The following PRMT8 variants were observed in gnomAD, a reference collection of about 807,000 sequenced individuals.
The protein encoded by PRMT8 is protein arginine N-methyltransferase 8.
A neutral mutation model predicts 47.1 loss-of-function variants in PRMT8; 7 were observed. The ratio of observed to expected loss-of-function variants is 0.15; its 90% CI spans 0.08 to 0.28. The LOEUF (loss-of-function observed/expected upper bound fraction) is 0.28, where lower values mean the gene tolerates loss of function less well. PRMT8 is among the 10% of genes least tolerant of loss of function. PRMT8 has a pLI of 1.00. For missense variants in PRMT8, 237 were observed against 505.4 expected (o/e 0.47, Z 5.09); for synonymous variants, 188 against 186.5 (o/e 1.01, Z -0.07).
intron 1 of PRMT8, among the ~76,000 whole-genome samples, chr12:3,424,375 C>G (rs1019517941): frequency 6.6e-6 from 1 of 152,072 alleles, no homozygotes; most frequent in Non-Finnish European, 1.5e-5. Flanking sequence ...ATCCAAGTGG[C>G]GCAAATGACG....
Position 3,567,650 on chromosome 12 carries a change from C to T in PRMT8, c.482-1056C>T, listed in dbSNP as rs185809683. On this transcript the variant is annotated intron_variant, in intron 4 of 9. Transcript: ENST00000382622. ...TGTAAACAAAAATAACAGTTGACCC[C>T]GACTACCACAGGGGTTAGGGGTGCC... Among the ~76,000 whole-genome samples the T allele has an allele frequency of 3.3e-3, 496 of 152,280 alleles. 3 individuals are homozygous for T. The highest frequency in any genetic ancestry group is 0.014 in the Middle Eastern group (4 of 294).
rs1234503603 is a variant in PRMT8, at chr12:3,583,737, C to T, written c.979+529C>T. 6.6e-6 allele frequency among the ~76,000 whole-genome samples: 1 copy of T among 152,234 alleles called. No individual in the cohort carries two copies. On this transcript the variant is annotated intron_variant, in intron 8 of 9. Coordinates refer to ENST00000382622, the MANE Select transcript of PRMT8 (RefSeq NM_019854.5). The surrounding 1 kb of genome is among the most constrained non-coding windows in gnomAD (Gnocchi z 4.7). ...TGCTACTCCCACTCCCAAATCCCAG[C>T]CCCGCTTACGAGGTGCCTCGCTGCC...
At chr12:3,491,115 G>T (rs1865387356), upstream of PRMT8, 7 of 979,868 alleles carry the variant, frequency 7.1e-6, no homozygotes, top group South Asian at 2.4e-4. Flanking sequence ...CTCGGTCTGC[G>T]CCCAGCCGCC....
At chr12:3,407,687 A>T (rs182765503) in intron 1 of PRMT8, among the ~76,000 whole-genome samples, 82 of 152,258 alleles carry the variant, frequency 5.4e-4, no homozygotes, top group African/African-American at 1.9e-3. Flanking sequence ...TTTTTCAGCA[A>T]TTACTCCATT....
chr12:3,400,339 G>T (rs777667375), intron 1 of PRMT8, among the ~76,000 whole-genome samples: 11 of 152,124 alleles, frequency 7.2e-5, no homozygotes, highest in Non-Finnish European at 1.3e-4. Context: ...TATCACCATT[G>T]ACCCCACAGA....
intron 1 of PRMT8, among the ~76,000 whole-genome samples, chr12:3,439,158 G>C (rs868151213): frequency 6.6e-6 from 1 of 152,246 alleles, no homozygotes; most frequent in Middle Eastern, 3.4e-3. Context: ...TATATTTTTT[G>C]TGACCTAGAT....
chr12:3,539,476 C>T (rs1297508738), intron 1 of PRMT8, among the ~76,000 whole-genome samples: 1 of 152,170 alleles, frequency 6.6e-6, no homozygotes, highest in Non-Finnish European at 1.5e-5. Flanking sequence ...ATTCCCAGCC[C>T]TAGAGGACTG....
In PRMT8 at chr12:3,577,000, T is replaced by C. The variant is rs769526481; in HGVS notation, c.828+14T>C. Reference sequence around the variant, plus strand: ...TGTTTGATAAAGGTCTGGACACTCATCCGGGGTGGACCTGGGTGTGCTGGG... The same window carrying C: ...TGTTTGATAAAGGTCTGGACACTCACCCGGGGTGGACCTGGGTGTGCTGGG... On this transcript the variant is annotated intron_variant, in intron 7 of 9. Transcript: ENST00000382622. This position sits in a 1 kb window ranked among gnomAD's most constrained non-coding sequence, Gnocchi z 4.0. 2 of 1,608,932 alleles carry C rather than the reference T, an allele frequency of 1.2e-6. No individual in the cohort carries two copies. The highest frequency in any genetic ancestry group is 1.1e-5 in the South Asian group (1 of 90,922).
chr12:3,511,306 C>A (rs188656128), intron 1 of PRMT8, among the ~76,000 whole-genome samples: 1 of 152,206 alleles, frequency 6.6e-6, no homozygotes, highest in East Asian at 1.9e-4. Context: ...GATGTTTTTC[C>A]CTTAGGCAGC....
intron 2 of PRMT8, among the ~76,000 whole-genome samples, chr12:3,542,592 T>A (rs1030171688): frequency 6.6e-6 from 1 of 152,168 alleles, no homozygotes; most frequent in African/African-American, 2.4e-5. Context: ...AAGAGAGCAG[T>A]TCCAGGGACC....
chr12:3,477,581 C>T (rs112839455), intron 1 of PRMT8, among the ~76,000 whole-genome samples: 1 of 152,212 alleles, frequency 6.6e-6, no homozygotes, highest in Admixed American at 6.5e-5. Flanking sequence ...AGATACCCTC[C>T]TCTGCCTCCT....
In PRMT8 at chr12:3,593,423, G is replaced by A. The variant is rs569441847; in HGVS notation, c.*241G>A. On this transcript the variant is annotated 3_prime_UTR_variant, in exon 10 of 10. Transcript: ENST00000382622. The surrounding 1 kb of genome is among the most constrained non-coding windows in gnomAD (Gnocchi z 4.8). ...AGGCTTTGTGTTGCCAACAAAGAGC[G>A]ACCTGGCGTGCTGTGGCTGGGCCCC... The A allele has an allele frequency of 3.8e-4, 190 of 504,146 alleles. 4 individuals carry two copies. In the South Asian group the frequency reaches 4.3e-3, roughly 11 times the overall value. The allele number at this position is 504,146 out of a possible 1,614,324, so 31.2% of individuals were successfully genotyped here. A position where few individuals can be genotyped will look rare whatever the true frequency, so the allele number is the denominator to read the frequency against.
At chr12:3,480,655 C>CG (rs781768016) in intron 1 of PRMT8, among the ~76,000 whole-genome samples, 46 of 151,886 alleles carry the variant, frequency 3.0e-4, no homozygotes, top group African/African-American at 8.7e-4. Flanking sequence ...GCTTCCTCCC[C>CG]CCACCGCTTT....
chr12:3,462,558 G>A (rs1865053254), intron 1 of PRMT8, among the ~76,000 whole-genome samples: 1 of 151,958 alleles, frequency 6.6e-6, no homozygotes, highest in South Asian at 2.1e-4. Context: ...AAGAAGGAGT[G>A]GGACATGATT....
intron 1 of PRMT8, among the ~76,000 whole-genome samples, chr12:3,533,449 T>C (rs1223592801): frequency 2.0e-5 from 3 of 152,210 alleles, no homozygotes; most frequent in Non-Finnish European, 4.4e-5. Context: ...AGATTTTGTT[T>C]GGATTTTTAT....
In PRMT8 at chr12:3,580,529, C is replaced by G. The variant is rs1867040805; in HGVS notation, c.829-2529C>G. 6.6e-6 allele frequency among the ~76,000 whole-genome samples: 1 copy of G among 152,076 alleles called. No homozygotes were observed. Among genetic ancestry groups the G allele is most frequent in the Non-Finnish European group, 1.5e-5 (1 of 68,022 alleles). On this transcript the variant is annotated intron_variant, in intron 7 of 9. Coordinates refer to ENST00000382622, the MANE Select transcript of PRMT8 (RefSeq NM_019854.5). The surrounding 1 kb of genome is among the most constrained non-coding windows in gnomAD (Gnocchi z 4.6). ...GAAGTAAGTCTTCAAGCAGGGAGAC[C>G]TGTTCTGAGAAGAAGATTGATGAGT...
intron 1 of PRMT8, among the ~76,000 whole-genome samples, chr12:3,392,021 G>A (rs1205246974): frequency 6.6e-6 from 1 of 152,104 alleles, no homozygotes; most frequent in African/African-American, 2.4e-5. Flanking sequence ...GGAGCAAAGG[G>A]TTGGAGGCAT....
chr12:3,434,818 T>A (rs1864719583), intron 1 of PRMT8, among the ~76,000 whole-genome samples: 1 of 151,168 alleles, frequency 6.6e-6, no homozygotes, highest in African/African-American at 2.4e-5. Context: ...GAGGCTGCAA[T>A]GAAAAGGCAA....
chr12:3,571,302 A>G (rs936409881), intron 6 of PRMT8, among the ~76,000 whole-genome samples: 3 of 152,232 alleles, frequency 2.0e-5, no homozygotes, highest in African/African-American at 4.8e-5. Context: ...TAAATAGGAC[A>G]TATTTTGCCC....
Sources: gnomAD v4.1 joint callset for allele counts (sites outside exome capture counted in the v4.1 genomes callset) on GRCh38, gnomAD v4.1.1 for gene constraint, Gnocchi (gnomAD v3.1) non-coding constraint, MANE v1.5 for transcripts, NCBI Gene and HGNC (gene_info 2026-07-23, HGNC 2026-07-21) for gene names.